The following BTN3A2 variants were observed in gnomAD, a reference collection of about 807,000 sequenced individuals.
BTN3A2 encodes the protein butyrophilin subfamily 3 member A2, also known as butyrophilin protein.
A neutral mutation model predicts 37.6 loss-of-function variants in BTN3A2; 25 were observed. The observed-to-expected ratio is 0.66, with a 90% CI of 0.48 to 0.93. The LOEUF is 0.93. BTN3A2 is among the 40% of genes least tolerant of loss of function. The probability of loss-of-function intolerance (pLI) is 0.00; values close to 1 mark genes in which losing one functional copy is unlikely to be tolerated. For synonymous variants in BTN3A2, 122 were observed against 159.4 expected (o/e 0.77, Z 1.77); for missense variants, 266 against 410.9 (o/e 0.65, Z 3.05).
Position 26,376,923 on chromosome 6 carries a change from C to T in BTN3A2, c.*1161C>T. On this transcript the variant is annotated 3_prime_UTR_variant, in exon 11 of 11. Transcript: ENST00000377708. ...CAGAACCAACCTGAAACTTCCTGAG[C>T]CTCCTAGGAAAGTGGGGGTCATCCT... 6.2e-7 allele frequency: 1 copy of T among 1,612,752 alleles called. No individual in the cohort carries two copies. The highest frequency in any genetic ancestry group is 1.3e-5 in the African/African-American group (1 of 75,000).
At chr6:26,373,586 T>TATA in intron 8 of BTN3A2, 173 bp downstream of exon 8, 18 of 174,112 alleles carry the variant, frequency 1.0e-4, no homozygotes, top group Non-Finnish European at 1.1e-4. Context: ...TTTTTCTCTC[T>TATA]AGAAAAAAAA....
chr6:26,368,596 C>T lies in BTN3A2; in HGVS notation c.117C>T (p.Pro39=). 6.2e-7 allele frequency: 1 copy of T among 1,613,970 alleles called. No individual in the cohort carries two copies. Among genetic ancestry groups the T allele is most frequent in the Non-Finnish European group, 8.5e-7 (1 of 1,179,842 alleles). Residue 39 remains proline, a synonymous_variant, in exon 4 of 11, where the codon CCC becomes CCT. Transcript: ENST00000377708. ...AQFSVLGPSG[P]ILAMVGEDAD... ...TTTCTGTGCTTGGACCCTCTGGGCC[C>T]ATCCTGGCCATGGTGGGTGAAGACG...
At chr6:26,372,853 C>T in intron 5 of BTN3A2, 44 bp from the exon 6 acceptor site, 1 of 1,608,778 alleles carries the variant, frequency 6.2e-7, no homozygotes. Context: ...GCTGGGGAGG[C>T]TGAGCGCACC....
intron 5 of BTN3A2, 64 bp from the exon 6 acceptor site, chr6:26,372,833 G>A (rs1760248137): frequency 3.1e-6 from 5 of 1,592,066 alleles, no homozygotes; most frequent in Non-Finnish European, 4.3e-6. Flanking sequence ...TAAAGCTTGG[G>A]GTGCTGCAGG....
At chr6:26,365,963 C>G (rs967703720) in intron 1 of BTN3A2, among the ~76,000 whole-genome samples, 1 of 152,082 alleles carries the variant, frequency 6.6e-6, no homozygotes, top group Admixed American at 6.6e-5. Flanking sequence ...AAGTGAAATT[C>G]TTTATAATTT....
Position 26,372,650 on chromosome 6 carries a change from CTT to C in BTN3A2, c.716-245_716-244del, listed in dbSNP as rs1412068262. ...AAATATTTAGAAAAAATGTGTATGA[CTT>C]TGCTCAAGTTACTTTCCATGTGAGA... On this transcript the variant is annotated intron_variant, in intron 5 of 10. Coordinates refer to ENST00000377708, the MANE Select transcript of BTN3A2 (RefSeq NM_007047.5). 3 of 489,982 alleles carry C rather than the reference CTT, an allele frequency of 6.1e-6. No homozygotes were observed. The East Asian group carries it at 1.0e-4, about 17-fold the overall frequency. The allele number at this position is 489,982 out of a possible 1,614,324, so 30.4% of individuals were successfully genotyped here.
intron 1 of BTN3A2, among the ~76,000 whole-genome samples, chr6:26,366,713 C>T (rs899313390): frequency 2.0e-5 from 3 of 152,128 alleles, no homozygotes; most frequent in Non-Finnish European, 2.9e-5. Context: ...GCTGCACAGA[C>T]CTCTGTTCCC....
chr6:26,374,453 T>A (rs1760498715), intron 9 of BTN3A2, 80 bp downstream of exon 9: 2 of 1,427,394 alleles, frequency 1.4e-6, no homozygotes, highest in Non-Finnish European at 2.0e-6. Context: ...GCTGGATTAA[T>A]TAGATCTAAT....
Position 26,370,400 on chromosome 6 carries a change from G to A in BTN3A2, c.512G>A (p.Trp171Ter). The A allele has an allele frequency of 1.2e-6, 2 of 1,614,166 alleles. No homozygotes were observed. The highest frequency in any genetic ancestry group is 1.1e-5 in the South Asian group (1 of 91,088). The change falls in exon 5 of 11, where the codon TGG becomes TAG. Residue 171 changes from tryptophan (W) to a stop codon, truncating the protein, a stop_gained. Coordinates refer to ENST00000377708, the MANE Select transcript of BTN3A2 (RefSeq NM_007047.5). LOFTEE classifies it high-confidence loss of function. ...CATCTGGAGTGCAGGTCCACCGGCT[G>A]GTACCCCCAACCCCAAATACAGTGG... ...GIHLECRSTG[W>*]YPQPQIQWSN...
At position 26,377,548 on chromosome 6, in the gene BTN3A2, C is replaced by G; in HGVS notation, c.*1786C>G. The G allele has an allele frequency of 4.0e-6, 1 of 251,808 alleles. No homozygotes were observed. The allele number at this position is 251,808 out of a possible 1,614,324, so 15.6% of individuals were successfully genotyped here. On this transcript the variant is annotated 3_prime_UTR_variant, in exon 11 of 11. Transcript: ENST00000377708. ...TGTCACTCCTTTAATCCTCACAACACCCTGTCAGGTAGTCTCATTTGGCAA... is the reference window on the plus strand; with the variant it reads ...TGTCACTCCTTTAATCCTCACAACAGCCTGTCAGGTAGTCTCATTTGGCAA...
At position 26,376,597 on chromosome 6, in the gene BTN3A2, T is replaced by C. The variant is rs950743592; in HGVS notation, c.*835T>C. On this transcript the variant is annotated 3_prime_UTR_variant, in exon 11 of 11. Coordinates refer to ENST00000377708, the MANE Select transcript of BTN3A2 (RefSeq NM_007047.5). Reference sequence around the variant, plus strand: ...GCAGATGTAATTCTGTATCCAGACATGGCAAATGCCATCCTCCTTGTTTCT... The same window carrying C: ...GCAGATGTAATTCTGTATCCAGACACGGCAAATGCCATCCTCCTTGTTTCT... 136 of 1,438,654 alleles carry C rather than the reference T, an allele frequency of 9.5e-5. 1 individual carries two copies. Among genetic ancestry groups the C allele is most frequent in the African/African-American group, 4.3e-4 (30 of 70,362 alleles). 89.1% of individuals were successfully genotyped at this position (1,438,654 alleles called of 1,614,324 possible).
At chr6:26,365,598 T>C (rs1482495766) in intron 1 of BTN3A2, among the ~76,000 whole-genome samples, 1 of 151,758 alleles carries the variant, frequency 6.6e-6, no homozygotes, top group East Asian at 1.9e-4. Flanking sequence ...TATAAGGAAC[T>C]GCAGAGGTTG....
Position 26,372,917 on chromosome 6 carries a change from C to T in BTN3A2, c.736C>T (p.Gln246Ter). 1 of 1,613,818 alleles carries T rather than the reference C, an allele frequency of 6.2e-7. No homozygotes were observed. The highest frequency in any genetic ancestry group is 8.5e-7 in the Non-Finnish European group (1 of 1,180,042). ...SIADPFFRSA[Q>*]PWIAALAGTL... Reference sequence around the variant, plus strand: ...CGCAGACCCCTTCTTCAGGAGCGCCCAGCCCTGGATCGCAGCCCTGGCAGG... The same window carrying T: ...CGCAGACCCCTTCTTCAGGAGCGCCTAGCCCTGGATCGCAGCCCTGGCAGG... Residue 246 changes from glutamine to a stop codon, truncating the protein, a stop_gained, in exon 6 of 11, where the codon CAG becomes TAG. Transcript: ENST00000377708. LOFTEE classifies it high-confidence loss of function.
At chr6:26,374,261 A>C in intron 8 of BTN3A2, 66 bp from the exon 9 acceptor site, 2 of 836,860 alleles carry the variant, frequency 2.4e-6, no homozygotes, top group Non-Finnish European at 3.7e-6. Flanking sequence ...ATGCAAAAAG[A>C]AGGGGAAGGG....
chr6:26,374,927 A>T lies in BTN3A2; in HGVS notation c.*34+129A>T. 8.3e-6 allele frequency: 8 copies of T among 959,244 alleles called. 1 individual carries two copies. In the South Asian group the frequency reaches 8.3e-5, roughly 10 times the overall value. The allele number at this position is 959,244 out of a possible 1,614,324, so 59.4% of individuals were successfully genotyped here. A position where few individuals can be genotyped will look rare whatever the true frequency, so the allele number is the denominator to read the frequency against. On this transcript the variant is annotated intron_variant, in intron 10 of 10. Coordinates refer to ENST00000377708, the MANE Select transcript of BTN3A2 (RefSeq NM_007047.5). ...CTTGACTTCCTTCGTGGGTAGGAAG[A>T]CGCATAAAGGGTGGAGGTGAAGGGA...
chr6:26,365,475 T>TGTGTGG, intron 1 of BTN3A2, 123 bp downstream of exon 1: 4 of 101,398 alleles, frequency 3.9e-5, no homozygotes, highest in Non-Finnish European at 6.5e-5. Flanking sequence ...GTGCAGTGCC[T>TGTGTGG]GTGTGTGTGT....
chr6:26,369,139 C>A (rs1471139775), intron 4 of BTN3A2, among the ~76,000 whole-genome samples: 1 of 152,100 alleles, frequency 6.6e-6, no homozygotes, highest in African/African-American at 2.4e-5. Flanking sequence ...TTTCCTCTGG[C>A]CACCAGAGAT....
At chr6:26,373,587 A>C in intron 8 of BTN3A2, 174 bp downstream of exon 8, 1 of 239,382 alleles carries the variant, frequency 4.2e-6, no homozygotes, top group African/African-American at 3.2e-5. Context: ...TTTTCTCTCT[A>C]GAAAAAAAAA....
chr6:26,369,370 T>G (rs1759864688), intron 4 of BTN3A2, among the ~76,000 whole-genome samples: 1 of 152,222 alleles, frequency 6.6e-6, no homozygotes, highest in Admixed American at 6.5e-5. Context: ...CTAGCTGTAT[T>G]TCTTACGTGT....
Sources: allele counts gnomAD v4.1 joint callset (sites outside exome capture counted in the v4.1 genomes callset), GRCh38; gene constraint gnomAD v4.1.1; transcripts MANE v1.5; gene names NCBI Gene and HGNC (gene_info 2026-07-23, HGNC 2026-07-21).